The following TMEM108 variants were observed in gnomAD, a reference collection of about 807,000 sequenced individuals.
TMEM108 encodes cancer/testis antigen 124.
TMEM108 carries 12 observed loss-of-function variants against 35.1 expected under a neutral mutation model. The observed-to-expected ratio is 0.34, with a 90% CI of 0.22 to 0.55. TMEM108 has a LOEUF of 0.55. Ranked by LOEUF, TMEM108 falls within the 20% of genes least tolerant of loss-of-function variation. TMEM108 has a pLI of 0.89. For synonymous variants in TMEM108, 287 were observed against 308.6 expected (o/e 0.93, Z 0.73); for missense variants, 680 against 753.3 (o/e 0.90, Z 1.14).
chr3:133,276,301 C>A (rs1021679756), intron 3 of TMEM108, among the ~76,000 whole-genome samples: 4 of 152,130 alleles, frequency 2.6e-5, no homozygotes, highest in Middle Eastern at 3.2e-3. Flanking sequence ...TGGGGCCAGC[C>A]AAGGGAGTGT....
intron 2 of TMEM108, among the ~76,000 whole-genome samples, chr3:133,070,089 G>A (rs940756332): frequency 2.6e-5 from 4 of 152,076 alleles, no homozygotes; most frequent in African/African-American, 9.7e-5. Flanking sequence ...ACAGTACAGA[G>A]CACTTGTTTC....
intron 2 of TMEM108, among the ~76,000 whole-genome samples, chr3:133,169,796 G>C (rs919281291): frequency 3.9e-5 from 6 of 152,134 alleles, no homozygotes; most frequent in Non-Finnish European, 7.4e-5. Context: ...GTGGGACTTA[G>C]AAAAAGCAAT....
At chr3:133,360,046 CA>C (rs1293259741) in intron 3 of TMEM108, among the ~76,000 whole-genome samples, 2 of 147,958 alleles carry the variant, frequency 1.4e-5, no homozygotes, top group Non-Finnish European at 3.0e-5. Context: ...CTGATACCTG[CA>C]GCAAATGGAT....
intron 3 of TMEM108, among the ~76,000 whole-genome samples, chr3:133,355,122 G>A (rs755461531): frequency 7.9e-5 from 12 of 152,196 alleles, no homozygotes; most frequent in Non-Finnish European, 1.6e-4. Context: ...ATTCAGCTGG[G>A]TGTATCTAAA....
intron 3 of TMEM108, 72 bp downstream of exon 3, chr3:133,229,423 C>T (rs1348399502): frequency 6.7e-7 from 1 of 1,487,188 alleles, no homozygotes; most frequent in African/African-American, 1.4e-5. Context: ...CCACAACTTA[C>T]TTTTTGGACG....
intron 2 of TMEM108, among the ~76,000 whole-genome samples, chr3:133,178,471 A>C (rs551593666): frequency 0.06 from 9,011 of 149,744 alleles, 309 homozygotes; most frequent in Non-Finnish European, 0.082. Context: ...ATATAGACCA[A>C]TGGAACAGAA....
rs552841279 is a variant in TMEM108, at chr3:133,180,246, C to A, written c.-46-49020C>A. Among the ~76,000 whole-genome samples, 548 of 152,186 alleles carry A rather than the reference C, an allele frequency of 3.6e-3. 3 individuals are homozygous for A. Among genetic ancestry groups the A allele is most frequent in the African/African-American group, 0.013 (523 of 41,536 alleles). ...TGTTCTGTGGGAATATTGCATTTTT[C>A]AAATGGAAGAACTTCCAACTGACCA... On this transcript the variant is annotated intron_variant, in intron 2 of 5. Transcript: ENST00000321871.
At chr3:133,092,164 C>G (rs1013534952) in intron 2 of TMEM108, among the ~76,000 whole-genome samples, 12 of 152,190 alleles carry the variant, frequency 7.9e-5, no homozygotes, top group Non-Finnish European at 1.3e-4. Context: ...AACAACCCAT[C>G]ATTTGAGCCT....
intron 2 of TMEM108, among the ~76,000 whole-genome samples, chr3:133,056,623 G>A (rs1559818083): frequency 6.6e-6 from 1 of 152,038 alleles, no homozygotes; most frequent in East Asian, 1.9e-4. Context: ...ACAGTTCGTG[G>A]TTAGCCATTC....
chr3:133,212,581 G>A (rs138891773), intron 2 of TMEM108, among the ~76,000 whole-genome samples: 2 of 152,154 alleles, frequency 1.3e-5, no homozygotes, highest in African/African-American at 4.8e-5. Flanking sequence ...AAATGAGAGA[G>A]AACGGCCAGG....
At chr3:133,319,376 C>G (rs891625545) in intron 3 of TMEM108, among the ~76,000 whole-genome samples, 13 of 152,198 alleles carry the variant, frequency 8.5e-5, no homozygotes, top group African/African-American at 2.9e-4. Context: ...ACTTCTGTTG[C>G]AGCTGGTGCT....
chr3:133,135,354 G>A (rs186796856), intron 2 of TMEM108, among the ~76,000 whole-genome samples: 2 of 152,208 alleles, frequency 1.3e-5, no homozygotes, highest in Non-Finnish European at 1.5e-5. Flanking sequence ...AGAGCACAGA[G>A]AGGGGAGACT....
chr3:133,378,065 T>G (rs2072894743), intron 3 of TMEM108, among the ~76,000 whole-genome samples: 1 of 152,194 alleles, frequency 6.6e-6, no homozygotes, highest in African/African-American at 2.4e-5. Flanking sequence ...AATTTGTCCC[T>G]GGTGCCAAAA....
rs76212186 is a variant in TMEM108, at chr3:133,372,802, G to A, written c.41-6950G>A. On this transcript the variant is annotated intron_variant, in intron 3 of 5. Coordinates refer to ENST00000321871, the MANE Select transcript of TMEM108 (RefSeq NM_023943.4). ...TGTTCCCAGCAGGATTTTATAGTAGGGAACATTTTAAATGTGGCAACCTGT... is the reference window on the plus strand; with the variant it reads ...TGTTCCCAGCAGGATTTTATAGTAGAGAACATTTTAAATGTGGCAACCTGT... Among the ~76,000 whole-genome samples the A allele has an allele frequency of 2.2e-3, 332 of 152,178 alleles. 1 individual carries two copies. Among genetic ancestry groups the A allele is most frequent in the African/African-American group, 7.9e-3 (326 of 41,518 alleles).
At chr3:133,104,145 ATT>A (rs1429104107) in intron 2 of TMEM108, among the ~76,000 whole-genome samples, 1 of 142,596 alleles carries the variant, frequency 7.0e-6, no homozygotes, top group Non-Finnish European at 1.6e-5. Context: ...TGTCTGGGAT[ATT>A]TTCTTAACTT....
intron 3 of TMEM108, among the ~76,000 whole-genome samples, chr3:133,373,814 A>AAAAC (rs1416732137): frequency 6.6e-6 from 1 of 152,260 alleles, no homozygotes; most frequent in Non-Finnish European, 1.5e-5. Context: ...AATAGAAACC[A>AAAAC]AAACAGTGGC....
intron 2 of TMEM108, among the ~76,000 whole-genome samples, chr3:133,223,444 G>A (rs145109972): frequency 6.6e-6 from 1 of 152,186 alleles, no homozygotes; most frequent in Non-Finnish European, 1.5e-5. Flanking sequence ...GCATGGGCCT[G>A]GAGCATGGGT....
chr3:133,339,215 G>A (rs1404779496), intron 3 of TMEM108, among the ~76,000 whole-genome samples: 1 of 150,784 alleles, frequency 6.6e-6, no homozygotes, highest in Non-Finnish European at 1.5e-5. Context: ...TTGCCTATAA[G>A]AAACACACTT....
intron 3 of TMEM108, among the ~76,000 whole-genome samples, chr3:133,261,016 G>A (rs1454597267): frequency 6.6e-6 from 1 of 152,158 alleles, no homozygotes; most frequent in Non-Finnish European, 1.5e-5. Context: ...TATAAAGAAA[G>A]AGATAATGAG....
Sources: gnomAD v4.1 joint callset for allele counts (sites outside exome capture counted in the v4.1 genomes callset) on GRCh38, gnomAD v4.1.1 for gene constraint, MANE v1.5 for transcripts, NCBI Gene and HGNC (gene_info 2026-07-23, HGNC 2026-07-21) for gene names.